The following GABRB1 variants were observed in gnomAD, a reference collection of about 807,000 sequenced individuals.
GABRB1 encodes the protein gamma-aminobutyric acid type A receptor subunit beta1, also known as gamma-aminobutyric acid receptor subunit beta-1.
Under a neutral mutation model 51.6 loss-of-function variants are expected in GABRB1, and 17 were observed. That is an observed-to-expected ratio of 0.33 (90% CI 0.23 to 0.49). The LOEUF (loss-of-function observed/expected upper bound fraction) is 0.49, where lower values mean the gene tolerates loss of function less well. Among genes scored for constraint, GABRB1 ranks in the 20% least tolerant of loss-of-function variants. The pLI, the probability that GABRB1 is intolerant of heterozygous loss-of-function variation, is 0.99. For missense variants in GABRB1, 410 were observed against 600.6 expected, an observed-to-expected ratio of 0.68 and a Z score of 3.32; for synonymous variants, 247 against 218.9, an observed-to-expected ratio of 1.13 and a Z score of -1.14.
intron 7 of GABRB1, among the ~76,000 whole-genome samples, chr4:47,404,523 A>ACACG (rs1728504533): frequency 7.1e-6 from 1 of 141,452 alleles, no homozygotes; most frequent in Admixed American, 6.8e-5. Flanking sequence ...ACACACACAC[A>ACACG]CACACATCAT....
intron 3 of GABRB1, among the ~76,000 whole-genome samples, chr4:47,144,062 C>T (rs2109699251): frequency 6.6e-6 from 1 of 151,992 alleles, no homozygotes; most frequent in South Asian, 2.1e-4. Context: ...AAGGAAGGGG[C>T]ATGATAAATT....
intron 1 of GABRB1, among the ~76,000 whole-genome samples, chr4:47,000,922 G>A (rs887844300): frequency 2.6e-5 from 4 of 151,998 alleles, no homozygotes; most frequent in Admixed American, 6.6e-5. Context: ...CATGCAGAGG[G>A]GATAACAAAG....
intron 3 of GABRB1, among the ~76,000 whole-genome samples, chr4:47,078,965 C>CATGA (rs1727698799): frequency 6.6e-6 from 1 of 152,218 alleles, no homozygotes; most frequent in Middle Eastern, 3.2e-3. Flanking sequence ...ATGAAGCCCA[C>CATGA]TTGATCATGG....
rs553686271 is a variant in GABRB1 at position 47,211,195 on chromosome 4, A to G, written c.461+49726A>G. On this transcript the variant is annotated intron_variant, in intron 4 of 8. Coordinates refer to ENST00000295454, the MANE Select transcript of GABRB1 (RefSeq NM_000812.4). ...GTTTTGGTGACATGAATCTGAGCCT[A>G]ATATGAGTTTATGACATCCTTATCT... Among the ~76,000 whole-genome samples, 14 of 152,272 alleles carry G rather than the reference A, an allele frequency of 9.2e-5. 1 individual carries two copies. The highest frequency in any genetic ancestry group is 7.2e-4 in the Admixed American group (11 of 15,284).
chr4:47,096,072 G>C (rs1224571027), intron 3 of GABRB1, among the ~76,000 whole-genome samples: 2 of 152,048 alleles, frequency 1.3e-5, no homozygotes, highest in African/African-American at 4.8e-5. Flanking sequence ...ATGCCATATG[G>C]TTTGTCCTTC....
chr4:47,252,108 C>T (rs1722014151), intron 4 of GABRB1, among the ~76,000 whole-genome samples: 1 of 141,548 alleles, frequency 7.1e-6, no homozygotes, highest in Admixed American at 7.2e-5. Context: ...CCCCCTCCTA[C>T]TCCTCTGGAT....
chr4:47,254,361 G>GTTTTTTTTTTTTTTTTTTTTTTTTTTT (rs56838956), intron 4 of GABRB1, among the ~76,000 whole-genome samples: 2 of 80,966 alleles, frequency 2.5e-5, no homozygotes, highest in African/African-American at 1.0e-4. Context: ...TCTTTTCTTT[G>GTTTTTTTTTTTTTTTTTTTTTTTTTTT]TTTTTTTTTT....
intron 3 of GABRB1, among the ~76,000 whole-genome samples, chr4:47,079,058 T>C (rs1179307434): frequency 6.6e-6 from 1 of 152,236 alleles, no homozygotes; most frequent in African/African-American, 2.4e-5. Flanking sequence ...ATCAGGGATA[T>C]TGGTCTAAAA....
At chr4:47,010,545 T>C (rs953333340) in intron 1 of GABRB1, among the ~76,000 whole-genome samples, 1 of 152,248 alleles carries the variant, frequency 6.6e-6, no homozygotes, top group Admixed American at 6.5e-5. Flanking sequence ...AATGCAGAGC[T>C]TACTTTATTT....
In GABRB1 at chr4:47,246,384, A is replaced by G. The variant is rs1358468611; in HGVS notation, c.462-73743A>G. ...TATATATATATATATATATATATATATATATATATATAAAATACCACAGTT... is the reference window on the plus strand; with the variant it reads ...TATATATATATATATATATATATATGTATATATATATAAAATACCACAGTT... On this transcript the variant is annotated intron_variant, in intron 4 of 8. Transcript: ENST00000295454. Among the ~76,000 whole-genome samples, 3 of 59,624 alleles carry G rather than the reference A, an allele frequency of 5.0e-5. 1 individual carries two copies. Among genetic ancestry groups the G allele is most frequent in the Non-Finnish European group, 6.2e-5 (2 of 32,264 alleles). 39.1% of individuals were successfully genotyped at this position (59,624 alleles called of 152,430 possible).
rs913727516 is a variant in GABRB1, at chr4:47,263,734, A to G, written c.462-56393A>G. 1.1e-4 allele frequency among the ~76,000 whole-genome samples: 17 copies of G among 152,350 alleles called. 2 individuals carry two copies. The highest frequency in any genetic ancestry group is 7.2e-4 in the Admixed American group (11 of 15,302). On this transcript the variant is annotated intron_variant, in intron 4 of 8. Transcript: ENST00000295454. ...TACTTTGTAGGTTAGAAGTCTATAA[A>G]TGAAAGGACACTGAGTTTGCTGAGA... is the stretch of plus-strand genomic sequence containing the variant.
chr4:47,395,951 T>A (rs1259671204), intron 5 of GABRB1, among the ~76,000 whole-genome samples: 1 of 152,162 alleles, frequency 6.6e-6, no homozygotes, highest in African/African-American at 2.4e-5. Context: ...ATTTTTAATA[T>A]TATATATAAG....
chr4:47,056,366 A>T (rs186722945), intron 3 of GABRB1, among the ~76,000 whole-genome samples: 1 of 152,212 alleles, frequency 6.6e-6, no homozygotes, highest in Admixed American at 6.5e-5. Flanking sequence ...TTCACTCTTG[A>T]GTTTGCCTGG....
chr4:47,161,151 C>A lies in GABRB1; in HGVS notation c.241-98C>A, dbSNP rs533770988. On this transcript the variant is annotated intron_variant, in intron 3 of 8. Coordinates refer to ENST00000295454, the MANE Select transcript of GABRB1 (RefSeq NM_000812.4). ...CTCTAGGTGCAAATTTTAATATATTCAAATGTAATCTCTTACAGGACATCC... is the reference window on the plus strand; with the variant it reads ...CTCTAGGTGCAAATTTTAATATATTAAAATGTAATCTCTTACAGGACATCC... 70 of 818,662 alleles carry A rather than the reference C, an allele frequency of 8.6e-5. No homozygotes were observed. In the African/African-American group the frequency reaches 1.1e-3, roughly 13 times the overall value. 50.7% of individuals were successfully genotyped at this position (818,662 alleles called of 1,614,324 possible). A position where few individuals can be genotyped will look rare whatever the true frequency, so the allele number is the denominator to read the frequency against.
At chr4:47,155,640 T>C (rs1381460785) in intron 3 of GABRB1, among the ~76,000 whole-genome samples, 3 of 151,948 alleles carry the variant, frequency 2.0e-5, no homozygotes, top group Non-Finnish European at 4.4e-5. Context: ...GATCTCATTC[T>C]GGTAAAACAC....
chr4:47,285,851 C>T (rs1343727775), intron 4 of GABRB1, among the ~76,000 whole-genome samples: 1 of 152,116 alleles, frequency 6.6e-6, no homozygotes, highest in African/African-American at 2.4e-5. Context: ...ACCCATGCAC[C>T]ACCCAAATTG....
At chr4:47,036,173 T>C (rs779824713) in intron 3 of GABRB1, among the ~76,000 whole-genome samples, 73 of 152,160 alleles carry the variant, frequency 4.8e-4, no homozygotes, top group Non-Finnish European at 9.7e-4. Flanking sequence ...AAAACGAAAA[T>C]GAGCCAATTT....
intron 3 of GABRB1, among the ~76,000 whole-genome samples, chr4:47,093,930 C>A (rs948838133): frequency 2.0e-5 from 3 of 151,946 alleles, no homozygotes; most frequent in Non-Finnish European, 4.4e-5. Context: ...CAGCTTTATA[C>A]ATTTGTCACC....
At chr4:47,293,625 A>C (rs1342045774) in intron 4 of GABRB1, among the ~76,000 whole-genome samples, 1 of 152,220 alleles carries the variant, frequency 6.6e-6, no homozygotes, top group Non-Finnish European at 1.5e-5. Context: ...CATTTAATTA[A>C]GATAAGGTCA....
Sources: allele counts gnomAD v4.1 joint callset (sites outside exome capture counted in the v4.1 genomes callset), GRCh38; gene constraint gnomAD v4.1.1; transcripts MANE v1.5; gene names NCBI Gene and HGNC (gene_info 2026-07-23, HGNC 2026-07-21).